The following FHIP1B variants were observed in gnomAD, a reference collection of about 807,000 sequenced individuals.
The protein encoded by FHIP1B is FHF complex subunit HOOK-interacting protein 1B.
Under a neutral mutation model 82.2 loss-of-function variants are expected in FHIP1B, and 28 were observed. The ratio of observed to expected loss-of-function variants is 0.34; its 90% CI spans 0.25 to 0.47. The LOEUF is 0.47. Ranked by LOEUF, FHIP1B falls within the 20% of genes least tolerant of loss-of-function variation. FHIP1B has a pLI of 1.00. For synonymous variants in FHIP1B, 585 were observed against 516.1 expected (o/e 1.13, Z -1.81); for missense variants, 1,110 against 1,262.6 (o/e 0.88, Z 1.83).
At chr11:6,214,971 G>A (rs547383344) in intron 9 of FHIP1B, 60 bp from the exon 10 acceptor site, 19 of 1,419,404 alleles carry the variant, frequency 1.3e-5, no homozygotes, top group East Asian at 7.5e-5. Flanking sequence ...CACATCGCAC[G>A]CATTCCTCCC....
Position 6,216,913 on chromosome 11 carries a change from G to T in FHIP1B, c.2215+458C>A, listed in dbSNP as rs1847243011. The stretch of plus-strand genomic sequence containing the variant: ...CCAGAAGGTTAACCTTAGGCCCCAG[G>T]AGAGCTGACAGAAAACCCAAGACCC... On this transcript the variant is annotated intron_variant, in intron 9 of 11. Coordinates refer to ENST00000449352, the MANE Select transcript of FHIP1B (RefSeq NM_001098794.2). 6.6e-6 allele frequency: 4 copies of T among 605,340 alleles called. 1 individual carries two copies. In the South Asian group the frequency reaches 8.1e-5, roughly 12 times the overall value. 37.5% of individuals were successfully genotyped at this position (605,340 alleles called of 1,614,324 possible).
chr11:6,227,625 T>A (rs906548638), intron 1 of FHIP1B, among the ~76,000 whole-genome samples: 1 of 152,146 alleles, frequency 6.6e-6, no homozygotes, highest in Non-Finnish European at 1.5e-5. Context: ...ATACTTGAGA[T>A]AATGAATAAA....
rs377652633 is a variant in FHIP1B, at chr11:6,211,700, C to T, written c.2725G>A (p.Gly909Ser). The T allele has an allele frequency of 6.2e-7, 1 of 1,614,208 alleles. No homozygotes were observed. Among genetic ancestry groups the T allele is most frequent in the Admixed American group, 1.7e-5 (1 of 60,024 alleles). The change falls in exon 12 of 12, where the codon GGC becomes AGC. Residue 909 changes from glycine (G) to serine (S), a missense_variant. Physicochemically the swap from Gly to Ser is moderately conservative, Grantham distance 56. Coordinates refer to ENST00000449352, the MANE Select transcript of FHIP1B (RefSeq NM_001098794.2). Reference sequence around the variant, plus strand: ...TCACCTTGGCGTTCAGGGGCCCCGCCCCGGGTGAGTAGAACTGGAGTTGAA... The same window carrying T: ...TCACCTTGGCGTTCAGGGGCCCCGCTCCGGGTGAGTAGAACTGGAGTTGAA... ...GASTPVLLTR[G>S]GAPERQGEAL...
intron 1 of FHIP1B, among the ~76,000 whole-genome samples, chr11:6,226,917 T>C (rs1054629947): frequency 6.6e-6 from 1 of 152,200 alleles, no homozygotes; most frequent in African/African-American, 2.4e-5. Context: ...AAGAAGCTGT[T>C]TCAATAGTCC....
Position 6,217,967 on chromosome 11 carries a change from G to C in FHIP1B, c.1619C>G (p.Pro540Arg), listed in dbSNP as rs2133802575. 1 of 1,613,250 alleles carries C rather than the reference G, an allele frequency of 6.2e-7. No homozygotes were observed. Among genetic ancestry groups the C allele is most frequent in the East Asian group, 2.2e-5 (1 of 44,872 alleles). ...TTCCAGCTCTCCAGGCTCCTCTGCA[G>C]GGGTAGGCCGTCGGCCAGGGCTGGA... Reference protein sequence around the residue: ...PASSPGRRPTPAEEPGELEDN... With the variant: ...PASSPGRRPTRAEEPGELEDN... The change falls in exon 9 of 12, where the codon CCT becomes CGT. Residue 540 changes from proline (P) to arginine (R), a missense_variant. This residue lies in a region of FHIP1B where 418 missense variants were observed against 371.4 expected (regional missense o/e 1.13). Coordinates refer to ENST00000449352, the MANE Select transcript of FHIP1B (RefSeq NM_001098794.2).
At chr11:6,228,362 T>C (rs1025876140) in intron 1 of FHIP1B, among the ~76,000 whole-genome samples, 3 of 149,978 alleles carry the variant, frequency 2.0e-5, no homozygotes, top group Middle Eastern at 3.4e-3. Context: ...AAAAAAAAAA[T>C]AGGGCAATAG....
Position 6,224,156 on chromosome 11 carries a change from C to A in FHIP1B, c.231G>T (p.Leu77Phe). The change falls in exon 3 of 12, where the codon TTG becomes TTT. Residue 77 changes from leucine (L) to phenylalanine (F), a missense_variant. By Grantham distance (22) the Leu-to-Phe change is conservative. Transcript: ENST00000449352. ...SAVRNHTYQM[L>F]TLLAEDRAVP... ...CTGCACGGTCCTCTGCCAGCAGTGT[C>A]AACATCTGGTAAGTGTGGTTGCGCA... 1 of 1,614,058 alleles carries A rather than the reference C, an allele frequency of 6.2e-7. No homozygotes were observed. Among genetic ancestry groups the A allele is most frequent in the Non-Finnish European group, 8.5e-7 (1 of 1,179,990 alleles).
chr11:6,217,879 G>A lies in FHIP1B; in HGVS notation c.1707C>T (p.Cys569=), dbSNP rs572973529. The change falls in exon 9 of 12, where the codon TGC becomes TGT. Residue 569 remains cysteine (C), a synonymous_variant. Transcript: ENST00000449352. ...CATCATAGGGGGCAGACCAGGTACG[G>A]CAGGCTCGGACACAGCGGTCCACAC... is the stretch of plus-strand genomic sequence containing the variant. ...RRGVDRCVRA[C]RTWSAPYDGE... is the part of the protein sequence containing the mutation. 6 of 1,613,464 alleles carry A rather than the reference G, an allele frequency of 3.7e-6. No homozygotes were observed. Among genetic ancestry groups the A allele is most frequent in the East Asian group, 2.2e-5 (1 of 44,876 alleles).
intron 1 of FHIP1B, among the ~76,000 whole-genome samples, chr11:6,232,452 C>A (rs1233726809): frequency 6.6e-6 from 1 of 152,158 alleles, no homozygotes; most frequent in Non-Finnish European, 1.5e-5. Flanking sequence ...AATTACAAAT[C>A]ATTAAAAAAT....
At chr11:6,224,791 C>T (rs1847517841) in intron 1 of FHIP1B, 84 bp from the exon 2 acceptor site, 2 of 462,016 alleles carry the variant, frequency 4.3e-6, no homozygotes, top group East Asian at 3.9e-5. Context: ...GAAAACTCCA[C>T]ACACCTATAT....
chr11:6,228,258 G>C (rs1298497136), intron 1 of FHIP1B, among the ~76,000 whole-genome samples: 1 of 152,130 alleles, frequency 6.6e-6, no homozygotes, highest in Non-Finnish European at 1.5e-5. Flanking sequence ...GCTAAGGCAG[G>C]AGAATCGCTT....
intron 10 of FHIP1B, 30 bp from the exon 11 acceptor site, chr11:6,214,603 A>T: frequency 6.3e-7 from 1 of 1,596,558 alleles, no homozygotes; most frequent in South Asian, 1.1e-5. Context: ...GACATTTCTG[A>T]GCAGCTCTAG....
At chr11:6,222,669 T>C in intron 5 of FHIP1B, 60 bp from the exon 6 acceptor site, 1 of 1,591,152 alleles carries the variant, frequency 6.3e-7, no homozygotes, top group Non-Finnish European at 8.6e-7. Flanking sequence ...ACAGGGCCAT[T>C]TTCCCTGGAT....
At chr11:6,215,458 C>A (rs917907412) in intron 9 of FHIP1B, 3 of 152,070 alleles carry the variant, frequency 2.0e-5, no homozygotes, top group African/African-American at 7.2e-5. Context: ...GAATTAGGTT[C>A]CACAAAAAAC....
chr11:6,228,130 T>G (rs528124793), intron 1 of FHIP1B, among the ~76,000 whole-genome samples: 1 of 152,272 alleles, frequency 6.6e-6, no homozygotes, highest in Admixed American at 6.5e-5. Context: ...GGTAGATCAC[T>G]TGAGGTCAGG....
intron 1 of FHIP1B, among the ~76,000 whole-genome samples, chr11:6,232,967 A>C (rs949856762): frequency 6.6e-6 from 1 of 152,174 alleles, no homozygotes; most frequent in Non-Finnish European, 1.5e-5. Flanking sequence ...TTCATGAATA[A>C]CCATACTGTC....
At position 6,223,495 on chromosome 11, in the gene FHIP1B, A is replaced by G; in HGVS notation, c.777+115T>C. ...CAGGGGGCTGCTTTCAAATCCAGGAACTGTTTCCTAGGGGAACGGGCCCTG... is the reference window on the plus strand; with the variant it reads ...CAGGGGGCTGCTTTCAAATCCAGGAGCTGTTTCCTAGGGGAACGGGCCCTG... On this transcript the variant is annotated intron_variant, in intron 3 of 11. Coordinates refer to ENST00000449352, the MANE Select transcript of FHIP1B (RefSeq NM_001098794.2). The surrounding 1 kb of genome is among the most constrained non-coding windows in gnomAD (Gnocchi z 4.8). 2.2e-6 allele frequency: 3 copies of G among 1,353,362 alleles called. No homozygotes were observed. The highest frequency in any genetic ancestry group is 3.0e-6 in the Non-Finnish European group (3 of 989,054). The allele number at this position is 1,353,362 out of a possible 1,614,324, so 83.8% of individuals were successfully genotyped here. A position where few individuals can be genotyped will look rare whatever the true frequency, so the allele number is the denominator to read the frequency against.
chr11:6,211,901 G>T (rs749216296), intron 11 of FHIP1B, 34 bp from the exon 12 acceptor site: 1 of 1,516,432 alleles, frequency 6.6e-7, no homozygotes, highest in Non-Finnish European at 8.8e-7. Flanking sequence ...GAAGGTGCTG[G>T]GATCAGGGAA....
chr11:6,227,522 T>C (rs945339831), intron 1 of FHIP1B, among the ~76,000 whole-genome samples: 3 of 152,198 alleles, frequency 2.0e-5, no homozygotes, highest in Non-Finnish European at 4.4e-5. Flanking sequence ...GGGAATTGTG[T>C]TTTAGAAAAG....
Sources: allele counts gnomAD v4.1 joint callset (sites outside exome capture counted in the v4.1 genomes callset), GRCh38; gene constraint gnomAD v4.1.1; regional missense constraint gnomAD v4.1.1; non-coding constraint Gnocchi (gnomAD v3.1); transcripts MANE v1.5; gene names NCBI Gene and HGNC (gene_info 2026-07-23, HGNC 2026-07-21).